Variants in DPP3 observed in about 807,000 individuals in gnomAD.
DPP3 encodes the protein DPP III.
A neutral mutation model predicts 89.8 loss-of-function variants in DPP3; 64 were observed. The observed-to-expected ratio is 0.71, with a 90% confidence interval of 0.58 to 0.88. The LOEUF (loss-of-function observed/expected upper bound fraction) is 0.88. Ranked by LOEUF, DPP3 falls within the 40% of genes least tolerant of loss-of-function variation. The probability of loss-of-function intolerance (pLI) is 0.00; values close to 1 mark genes in which losing one functional copy is unlikely to be tolerated. For missense variants in DPP3, 835 were observed against 972.5 expected, an observed-to-expected ratio of 0.86 and a Z score of 1.88; for synonymous variants, 377 against 404.3, an observed-to-expected ratio of 0.93 and a Z score of 0.81.
chr11:66,504,965 A>AC (rs963460167), intron 17 of DPP3, among the ~76,000 whole-genome samples, 191 bp downstream of exon 17: 3 of 150,382 alleles, frequency 2.0e-5, no homozygotes, highest in East Asian at 1.9e-4. Flanking sequence ...ACCACCCACC[A>AC]CCCCCCCGAC....
At position 66,497,379 on chromosome 11, in the gene DPP3, G is replaced by A. The variant is rs1855565714; in HGVS notation, c.1780G>A (p.Gly594Ser). The A allele has an allele frequency of 5.0e-6, 8 of 1,614,038 alleles. No individual in the cohort carries two copies. The highest frequency in any genetic ancestry group is 6.8e-6 in the Non-Finnish European group (8 of 1,179,974). The change falls in exon 16 of 18, where the codon GGC becomes AGC. Residue 594 changes from glycine to serine, a missense_variant. Physicochemically the swap from Gly to Ser is moderately conservative, Grantham distance 56 (BLOSUM62 0). Transcript: ENST00000531863. The part of the protein sequence containing the change: ...EGLVTITPTT[G>S]SDGRPDARVR... ...ACTCGTTACCATCACTCCCACCACA[G>A]GCTCCGATGGGCGCCCAGATGCCCG...
chr11:66,486,474 G>A (rs1855230430), intron 3 of DPP3, 66 bp from the exon 4 acceptor site: 6 of 1,430,282 alleles, frequency 4.2e-6, no homozygotes, highest in Non-Finnish European at 3.7e-6. Context: ...TTGGGAGTGG[G>A]TAGGGAGGCT....
At chr11:66,481,563 G>A (rs536043309) in intron 1 of DPP3, among the ~76,000 whole-genome samples, 1 of 152,258 alleles carries the variant, frequency 6.6e-6, no homozygotes, top group African/African-American at 2.4e-5. Context: ...CTCTGCTGCT[G>A]ATGTCTCCAT....
In DPP3 at chr11:66,487,325, G is replaced by A; in HGVS notation, c.556G>A (p.Asp186Asn). 2 of 1,614,032 alleles carry A rather than the reference G, an allele frequency of 1.2e-6. No individual in the cohort carries two copies. Among genetic ancestry groups the A allele is most frequent in the East Asian group, 4.5e-5 (2 of 44,882 alleles). The part of the protein sequence containing the change: ...CTMEDAKLAQ[D>N]FLDSQNLSAY... ...CATGGAAGATGCCAAATTGGCCCAGGACTTTCTGGACTCACAGGTTTGGGG... is the reference window on the plus strand; with the variant it reads ...CATGGAAGATGCCAAATTGGCCCAGAACTTTCTGGACTCACAGGTTTGGGG... Residue 186 changes from aspartate (D) to asparagine (N), a missense_variant, in exon 5 of 18, where the codon GAC (aspartate) becomes AAC (asparagine). Transcript: ENST00000531863.
chr11:66,505,219 C>G (rs940898559), intron 17 of DPP3, among the ~76,000 whole-genome samples: 1 of 152,164 alleles, frequency 6.6e-6, no homozygotes, highest in Non-Finnish European at 1.5e-5. Flanking sequence ...TGCATCATCC[C>G]GCTTCCTTCT....
chr11:66,504,143 T>TA (rs1442238761), intron 16 of DPP3, among the ~76,000 whole-genome samples: 6 of 152,106 alleles, frequency 3.9e-5, no homozygotes, highest in Admixed American at 2.6e-4. Flanking sequence ...TCCTTTTTTT[T>TA]AGAGACGAGA....
chr11:66,485,286 A>C, intron 3 of DPP3, 24 bp downstream of exon 3: 2 of 1,431,740 alleles, frequency 1.4e-6, no homozygotes, highest in Non-Finnish European at 1.9e-6. Flanking sequence ...GGGTTGGGGA[A>C]GGTGGGGATG....
Position 66,482,381 on chromosome 11 carries a change from G to T in DPP3, c.181G>T (p.Ala61Ser), listed in dbSNP as rs114567543. ...QTSPEAPYIY[A>S]LLSRLFRAQD... ...CTCCCCTGAGGCCCCCTACATCTATGCTCTGCTCAGCCGCCTCTTCCGCGC... is the reference window on the plus strand; with the variant it reads ...CTCCCCTGAGGCCCCCTACATCTATTCTCTGCTCAGCCGCCTCTTCCGCGC... The change falls in exon 2 of 18, where the codon GCT becomes TCT. Residue 61 changes from alanine to serine, a missense_variant. Ala to Ser is a moderately conservative substitution (Grantham distance 99, BLOSUM62 1). Coordinates refer to ENST00000531863, the MANE Select transcript of DPP3 (RefSeq NM_130443.4). 4,244 of 1,612,020 alleles carry T rather than the reference G, an allele frequency of 2.6e-3. 103 individuals are homozygous for T. In the African/African-American group the frequency reaches 0.05, roughly 19 times the overall value.
intron 12 of DPP3, among the ~76,000 whole-genome samples, chr11:66,494,541 G>A (rs557632472): frequency 6.6e-5 from 10 of 152,226 alleles, no homozygotes; most frequent in African/African-American, 2.4e-4. Flanking sequence ...GACCCCTGCT[G>A]TGTGGGCTGT....
Position 66,495,386 on chromosome 11 carries a change from G to T in DPP3, c.1474G>T (p.Gly492Trp). The change falls in exon 14 of 18, where the codon GGG becomes TGG. Residue 492 changes from glycine to tryptophan, a missense_variant. Physicochemically the swap from Gly to Trp is radical, Grantham distance 184 (BLOSUM62 -2). Coordinates refer to ENST00000531863, the MANE Select transcript of DPP3 (RefSeq NM_130443.4). ...GEQIQSWYRS[G>W]ETWDSKFSTI... ...CCAGATTCAGAGCTGGTATCGGAGCGGGGAGACCTGGGATAGCAAGTTCAG... is the reference window on the plus strand; with the variant it reads ...CCAGATTCAGAGCTGGTATCGGAGCTGGGAGACCTGGGATAGCAAGTTCAG... 6.2e-7 allele frequency: 1 copy of T among 1,613,684 alleles called. No homozygotes were observed. The highest frequency in any genetic ancestry group is 8.5e-7 in the Non-Finnish European group (1 of 1,179,780).
Position 66,487,895 on chromosome 11 carries a change from C to A in DPP3, c.574-19C>A. The A allele has an allele frequency of 6.2e-7, 1 of 1,612,360 alleles. No individual in the cohort carries two copies. Among genetic ancestry groups the A allele is most frequent in the Non-Finnish European group, 8.5e-7 (1 of 1,178,836 alleles). On this transcript the variant is annotated intron_variant, in intron 5 of 17. Coordinates refer to ENST00000531863, the MANE Select transcript of DPP3 (RefSeq NM_130443.4). The stretch of plus-strand genomic sequence containing the variant: ...CCTCTCCAGACTTCACTCTTAACCC[C>A]TGTCCTGGTCTCTTCTAGAACCTCA...
At chr11:66,483,704 A>G (rs1265531317) in intron 2 of DPP3, among the ~76,000 whole-genome samples, 1 of 152,202 alleles carries the variant, frequency 6.6e-6, no homozygotes, top group Admixed American at 6.5e-5. Context: ...TACATTTACA[A>G]TTGACTGATT....
In DPP3 at chr11:66,482,455, C is replaced by T. The variant is rs199572961; in HGVS notation, c.255C>T (p.Thr85=). The T allele has an allele frequency of 3.5e-5, 56 of 1,605,670 alleles. No homozygotes were observed. Among genetic ancestry groups the T allele is most frequent in the East Asian group, 3.3e-4 (15 of 44,892 alleles). The change falls in exon 2 of 18, where the codon ACC becomes ACT. Residue 85 remains threonine (T), a synonymous_variant. Transcript: ENST00000531863. ...LRQHALAEGL[T]EEEYQAFLVY... ...AACATGCCCTGGCTGAAGGCCTTAC[C>T]GAGGAGGAGTATCAGGTCAGTTCTC... is the stretch of plus-strand genomic sequence containing the variant.
intron 16 of DPP3, among the ~76,000 whole-genome samples, chr11:66,502,519 G>A (rs1383163328): frequency 6.6e-6 from 1 of 151,814 alleles, no homozygotes; most frequent in East Asian, 1.9e-4. Flanking sequence ...GCCCAGGCTG[G>A]AGTGCAGTGG....
At position 66,487,291 on chromosome 11, in the gene DPP3, G is replaced by C. The variant is rs752810487; in HGVS notation, c.522G>C (p.Gly174=). 6.2e-7 allele frequency: 1 copy of C among 1,613,900 alleles called. No individual in the cohort carries two copies. Among genetic ancestry groups the C allele is most frequent in the African/African-American group, 1.3e-5 (1 of 74,884 alleles). The stretch of plus-strand genomic sequence containing the variant: ...AGGGAATCACCACCTATTTCTCTGG[G>C]AATTGTACCATGGAAGATGCCAAAT... ...GKEGITTYFS[G]NCTMEDAKLA... Residue 174 remains glycine, a synonymous_variant, in exon 5 of 18, where the codon GGG becomes GGC. Coordinates refer to ENST00000531863, the MANE Select transcript of DPP3 (RefSeq NM_130443.4).
At chr11:66,482,863 G>C (rs879759441) in intron 2 of DPP3, among the ~76,000 whole-genome samples, 1 of 152,142 alleles carries the variant, frequency 6.6e-6, no homozygotes, top group Non-Finnish European at 1.5e-5. Context: ...CTGTCCCTTG[G>C]TTTTTGTTTT....
Position 66,497,441 on chromosome 11 carries a change from C to A in DPP3, c.1842C>A (p.Gly614=). The change falls in exon 16 of 18, where the codon GGC becomes GGA. Residue 614 remains glycine, a synonymous_variant. Transcript: ENST00000531863. ...RLDRSKIRSV[G]KPALERFLRR... The stretch of plus-strand genomic sequence containing the variant: ...ACCGCAGCAAGATCCGGTCTGTGGG[C>A]AAGCCTGCTCTAGAGCGCTTCCTGC... The A allele has an allele frequency of 3.1e-6, 5 of 1,613,960 alleles. No homozygotes were observed. The highest frequency in any genetic ancestry group is 4.2e-6 in the Non-Finnish European group (5 of 1,180,004).
chr11:66,491,211 T>C, intron 6 of DPP3, 42 bp from the exon 7 acceptor site: 1 of 1,610,716 alleles, frequency 6.2e-7, no homozygotes, highest in Non-Finnish European at 8.5e-7. Flanking sequence ...GTGAGGCCTC[T>C]TACTCCAGCC....
intron 12 of DPP3, among the ~76,000 whole-genome samples, chr11:66,494,134 C>T (rs2134735323): frequency 6.6e-6 from 1 of 152,296 alleles, no homozygotes; most frequent in East Asian, 1.9e-4. Context: ...GGAGCCACTT[C>T]TCCCCAGAGC....
Sources: allele counts gnomAD v4.1 joint callset (sites outside exome capture counted in the v4.1 genomes callset), GRCh38; gene constraint gnomAD v4.1.1; transcripts MANE v1.5; gene names NCBI Gene and HGNC (gene_info 2026-07-23, HGNC 2026-07-21).